Variants in PELI2 observed in about 807,000 individuals in gnomAD.
The protein encoded by PELI2 is E3 ubiquitin-protein ligase pellino homolog 2.
In PELI2, 23 loss-of-function variants were observed where a neutral mutation model predicts 42.3. The ratio of observed to expected loss-of-function variants is 0.54; its 90% confidence interval spans 0.39 to 0.77. The LOEUF (loss-of-function observed/expected upper bound fraction) is 0.77, where lower values mean the gene tolerates loss of function less well. Among genes scored for constraint, PELI2 ranks in the 30% least tolerant of loss-of-function variants. The probability of loss-of-function intolerance (pLI) is 0.00; values close to 1 mark genes in which losing one functional copy is unlikely to be tolerated. For missense variants in PELI2, 463 were observed against 553.2 expected, an observed-to-expected ratio of 0.84 and a Z score of 1.64; for synonymous variants, 245 against 212.2, an observed-to-expected ratio of 1.15 and a Z score of -1.34.
rs138225670 is a variant in PELI2, at chr14:56,226,871, A to T, written c.207+48407A>T. Among the ~76,000 whole-genome samples, 279 of 152,302 alleles carry T rather than the reference A, an allele frequency of 1.8e-3. 2 individuals are homozygous for T. The highest frequency in any genetic ancestry group is 6.5e-3 in the African/African-American group (270 of 41,564). The stretch of plus-strand genomic sequence containing the variant: ...GCACTTTAAAAACTCATGTTTGGTG[A>T]TAATCAAATTTTGCAGAACATGTAC... On this transcript the variant is annotated intron_variant, in intron 2 of 5. Transcript: ENST00000267460.
chr14:56,240,630 A>G (rs1351961349), intron 2 of PELI2, among the ~76,000 whole-genome samples: 2 of 152,216 alleles, frequency 1.3e-5, no homozygotes, highest in Admixed American at 6.5e-5. Context: ...GCAAGAGGAG[A>G]TCTTTAAGAC....
chr14:56,223,275 G>C (rs541083327), intron 2 of PELI2, among the ~76,000 whole-genome samples: 1 of 152,150 alleles, frequency 6.6e-6, no homozygotes, highest in Admixed American at 6.5e-5. Context: ...GCTTAATAAT[G>C]CTTCTTCTTA....
chr14:56,300,918 C>A lies in PELI2; in HGVS notation c.*3752C>A, dbSNP rs1890153369. ...ACACAAAAAAAAGGTTCAGTATTTTCTTTTTAGTATAACTTACATCCTTTC... is the reference window on the plus strand; with the variant it reads ...ACACAAAAAAAAGGTTCAGTATTTTATTTTTAGTATAACTTACATCCTTTC... On this transcript the variant is annotated 3_prime_UTR_variant, in exon 6 of 6. Coordinates refer to ENST00000267460, the MANE Select transcript of PELI2 (RefSeq NM_021255.3). 1 of 152,154 alleles carries A rather than the reference C, an allele frequency of 6.6e-6. No individual in the cohort carries two copies. Among genetic ancestry groups the A allele is most frequent in the African/African-American group, 2.4e-5 (1 of 41,434 alleles). 9.4% of individuals were successfully genotyped at this position (152,154 alleles called of 1,614,324 possible).
intron 2 of PELI2, among the ~76,000 whole-genome samples, chr14:56,192,130 C>T (rs1885968237): frequency 6.6e-6 from 1 of 152,240 alleles, no homozygotes; most frequent in South Asian, 2.1e-4. Flanking sequence ...GCTGGGATTA[C>T]AGGTGTGAGC....
At chr14:56,266,761 A>T (rs980922812) in intron 2 of PELI2, among the ~76,000 whole-genome samples, 1 of 152,048 alleles carries the variant, frequency 6.6e-6, no homozygotes, top group Non-Finnish European at 1.5e-5. Context: ...CTATAGATAT[A>T]TTTCCCTGTA....
At position 56,176,657 on chromosome 14, in the gene PELI2, C is replaced by T. The variant is rs113832096; in HGVS notation, c.78-1678C>T. Among the ~76,000 whole-genome samples the T allele has an allele frequency of 1.2e-3, 176 of 152,178 alleles. 2 individuals are homozygous for T. Among genetic ancestry groups the T allele is most frequent in the African/African-American group, 3.8e-3 (156 of 41,522 alleles). ...CTCTGGTTTGGCCACTCTTGGATAC[C>T]GTAGCTTGGAACTCTGAACACACAT... is the stretch of plus-strand genomic sequence containing the variant. On this transcript the variant is annotated intron_variant, in intron 1 of 5. Coordinates refer to ENST00000267460, the MANE Select transcript of PELI2 (RefSeq NM_021255.3).
At chr14:56,232,382 C>G (rs1594665675) in intron 2 of PELI2, among the ~76,000 whole-genome samples, 1 of 152,278 alleles carries the variant, frequency 6.6e-6, no homozygotes, top group Non-Finnish European at 1.5e-5. Flanking sequence ...CAAACCAAAT[C>G]CAGCAGCACA....
chr14:56,288,784 T>G lies in PELI2; in HGVS notation c.507+150T>G. 1.6e-6 allele frequency: 1 copy of G among 612,858 alleles called. No individual in the cohort carries two copies. Among genetic ancestry groups the G allele is most frequent in the Admixed American group, 2.9e-5 (1 of 34,290 alleles). The allele number at this position is 612,858 out of a possible 1,614,324, so 38.0% of individuals were successfully genotyped here. Reference sequence around the variant, plus strand: ...TTTTCAGGTGGCCAGTTTGAGAAACTTGTTATTAAAAATCTGAACATTAAT... The same window carrying G: ...TTTTCAGGTGGCCAGTTTGAGAAACGTGTTATTAAAAATCTGAACATTAAT... On this transcript the variant is annotated intron_variant, in intron 4 of 5. Transcript: ENST00000267460. The surrounding 1 kb of genome is among the most constrained non-coding windows in gnomAD (Gnocchi z 4.6).
chr14:56,258,557 G>A (rs920808143), intron 2 of PELI2, among the ~76,000 whole-genome samples: 13 of 147,990 alleles, frequency 8.8e-5, no homozygotes, highest in Non-Finnish European at 1.5e-4. Flanking sequence ...AACTTCTGAA[G>A]GTGAAAAATA....
At chr14:56,292,788 A>G (rs1889873913) in intron 5 of PELI2, 3 of 973,692 alleles carry the variant, frequency 3.1e-6, no homozygotes, top group African/African-American at 1.8e-5. Context: ...ATGTCTTTTC[A>G]GGCCTTTAAC....
intron 2 of PELI2, among the ~76,000 whole-genome samples, chr14:56,222,197 A>G (rs1303017076): frequency 6.6e-6 from 1 of 152,012 alleles, no homozygotes; most frequent in African/African-American, 2.4e-5. Flanking sequence ...ACCTCATTTA[A>G]TCTTCATGGC....
In PELI2 at chr14:56,300,109, G is replaced by T. The variant is rs1437400628; in HGVS notation, c.*2943G>T. ...TTTTTCTCCCAACTGTGGCCCAAAAGAATTAAAATCTGTTAATATAAATAG... is the reference window on the plus strand; with the variant it reads ...TTTTTCTCCCAACTGTGGCCCAAAATAATTAAAATCTGTTAATATAAATAG... On this transcript the variant is annotated 3_prime_UTR_variant, in exon 6 of 6. Transcript: ENST00000267460. 2.0e-5 allele frequency: 3 copies of T among 152,538 alleles called. No homozygotes were observed. Among genetic ancestry groups the T allele is most frequent in the African/African-American group, 7.2e-5 (3 of 41,404 alleles). The allele number at this position is 152,538 out of a possible 1,614,324, so 9.4% of individuals were successfully genotyped here.
chr14:56,219,742 A>G lies in PELI2; in HGVS notation c.207+41278A>G, dbSNP rs1887053376. ...TGGAAAATTGTACTTAGGTTGGTAA[A>G]CTGAAAAATGACACGACATGCCTTG... is the stretch of plus-strand genomic sequence containing the variant. On this transcript the variant is annotated intron_variant, in intron 2 of 5. Transcript: ENST00000267460. The surrounding 1 kb of genome is among the most constrained non-coding windows in gnomAD (Gnocchi z 4.1). Among the ~76,000 whole-genome samples, 1 of 152,228 alleles carries G rather than the reference A, an allele frequency of 6.6e-6. No individual in the cohort carries two copies. Among genetic ancestry groups the G allele is most frequent in the Admixed American group, 6.5e-5 (1 of 15,286 alleles).
chr14:56,122,072 CTAAA>C (rs1883080394), intron 1 of PELI2, among the ~76,000 whole-genome samples: 1 of 152,066 alleles, frequency 6.6e-6, no homozygotes, highest in Non-Finnish European at 1.5e-5. Context: ...TGAAATTTAG[CTAAA>C]TAGACTGAAA....
chr14:56,176,999 G>A (rs1484732164), intron 1 of PELI2, among the ~76,000 whole-genome samples: 2 of 152,198 alleles, frequency 1.3e-5, no homozygotes, highest in East Asian at 1.9e-4. Context: ...TCACAAACAC[G>A]TTTAAGAAAA....
intron 5 of PELI2, among the ~76,000 whole-genome samples, chr14:56,296,389 T>C (rs976364234): frequency 2.0e-5 from 3 of 152,230 alleles, no homozygotes; most frequent in Non-Finnish European, 4.4e-5. Flanking sequence ...CAGGGCTTTG[T>C]ACATACGGCA....
chr14:56,132,751 T>G (rs1417241854), intron 1 of PELI2, among the ~76,000 whole-genome samples: 2 of 152,202 alleles, frequency 1.3e-5, no homozygotes, highest in Admixed American at 1.3e-4. Flanking sequence ...TTTATCTACT[T>G]GAACACTCAC....
At position 56,135,606 on chromosome 14, in the gene PELI2, C is replaced by G. The variant is rs190062499; in HGVS notation, c.77+16869C>G. 4.1e-3 allele frequency among the ~76,000 whole-genome samples: 632 copies of G among 152,318 alleles called. 4 individuals are homozygous for G. Among genetic ancestry groups the G allele is most frequent in the Non-Finnish European group, 6.6e-3 (446 of 68,028 alleles). ...TGGCTTTCTGTTACAAATGTATCAG[C>G]TACACATGGTGACTATTATTAAATT... On this transcript the variant is annotated intron_variant, in intron 1 of 5. Coordinates refer to ENST00000267460, the MANE Select transcript of PELI2 (RefSeq NM_021255.3).
At chr14:56,161,255 C>T (rs1355599640) in intron 1 of PELI2, among the ~76,000 whole-genome samples, 1 of 151,232 alleles carries the variant, frequency 6.6e-6, no homozygotes, top group Admixed American at 6.6e-5. Context: ...CTTTCTAAGT[C>T]CTTTTTATTA....
Sources: allele counts gnomAD v4.1 joint callset (sites outside exome capture counted in the v4.1 genomes callset), GRCh38; gene constraint gnomAD v4.1.1; non-coding constraint Gnocchi (gnomAD v3.1); transcripts MANE v1.5; gene names NCBI Gene and HGNC (gene_info 2026-07-23, HGNC 2026-07-21).